ATP8B1: variants seen among roughly 807,000 people sequenced by gnomAD.
The protein encoded by ATP8B1 is phospholipid-transporting ATPase IC.
Under a neutral mutation model 149.9 loss-of-function variants are expected in ATP8B1, and 80 were observed. That is an observed-to-expected ratio of 0.53 (90% CI 0.45 to 0.64). ATP8B1 has a LOEUF of 0.64. ATP8B1 is among the 30% of genes least tolerant of loss of function. The probability of loss-of-function intolerance (pLI) is 0.00; values close to 1 mark genes in which losing one functional copy is unlikely to be tolerated. For synonymous variants in ATP8B1, 536 were observed against 562.8 expected (o/e 0.95, Z 0.67); for missense variants, 1,247 against 1,552.6 (o/e 0.80, Z 3.31).
chr18:57,703,987 A>G (rs1913260466), intron 4 of ATP8B1, among the ~76,000 whole-genome samples: 1 of 152,070 alleles, frequency 6.6e-6, no homozygotes, highest in Admixed American at 6.6e-5. Flanking sequence ...TTTTTTTAAG[A>G]TGGAGTTTAG....
chr18:57,685,399 C>T (rs1369415557), intron 13 of ATP8B1, among the ~76,000 whole-genome samples: 2 of 152,116 alleles, frequency 1.3e-5, no homozygotes, highest in Admixed American at 6.6e-5. Context: ...ATGTGAGCCA[C>T]GTCCTCAGCC....
intron 1 of ATP8B1, among the ~76,000 whole-genome samples, chr18:57,785,985 G>A (rs1007539917): frequency 6.6e-6 from 1 of 152,162 alleles, no homozygotes; most frequent in Non-Finnish European, 1.5e-5. Flanking sequence ...TTATTGGTTC[G>A]ATGTTGTTCA....
chr18:57,756,305 A>ATG lies in ATP8B1; in HGVS notation c.-25-24474_-25-24473insCA, dbSNP rs1555653788. On this transcript the variant is annotated intron_variant, in intron 1 of 27. Transcript: ENST00000648908. Reference sequence around the variant, plus strand: ...CATATATATGTGTGTGTGTATGTATATATATATATATTTGAGACTGAGTTT... The same window carrying ATG: ...CATATATATGTGTGTGTGTATGTATATGTATATATATATTTGAGACTGAGTTT... 1.6e-4 allele frequency among the ~76,000 whole-genome samples: 17 copies of ATG among 106,124 alleles called. 2 individuals are homozygous for ATG. The highest frequency in any genetic ancestry group is 5.6e-4 in the South Asian group (2 of 3,552). The allele number at this position is 106,124 out of a possible 152,430, so 69.6% of individuals were successfully genotyped here.
At chr18:57,671,366 G>T in intron 17 of ATP8B1, 102 bp downstream of exon 17, 1 of 1,028,890 alleles carries the variant, frequency 9.7e-7, no homozygotes, top group South Asian at 1.3e-5. Flanking sequence ...GCAAAGCAAA[G>T]GGAGGGTCAG....
intron 1 of ATP8B1, among the ~76,000 whole-genome samples, chr18:57,775,333 A>G (rs2080297517): frequency 6.6e-6 from 1 of 151,764 alleles, no homozygotes; most frequent in Non-Finnish European, 1.5e-5. Flanking sequence ...GAAAAGAGAA[A>G]GAGAAGGAAG....
chr18:57,661,507 C>T (rs373730087), intron 21 of ATP8B1, 45 bp from the exon 22 acceptor site: 9 of 1,588,570 alleles, frequency 5.7e-6, no homozygotes, highest in Non-Finnish European at 6.9e-6. Flanking sequence ...TTTAGTTTTA[C>T]CCCAGGAGTA....
chr18:57,681,400 T>A (rs536204625), intron 15 of ATP8B1, among the ~76,000 whole-genome samples: 1 of 152,264 alleles, frequency 6.6e-6, no homozygotes, highest in African/African-American at 2.4e-5. Context: ...TGCTGAGCGG[T>A]GAACCCAGTC....
chr18:57,776,934 C>T (rs984115250), intron 1 of ATP8B1, among the ~76,000 whole-genome samples: 2 of 151,702 alleles, frequency 1.3e-5, no homozygotes, highest in Non-Finnish European at 2.9e-5. Flanking sequence ...TACTCCAGGC[C>T]GATCGTTATG....
chr18:57,695,402 A>G (rs1036965683), intron 9 of ATP8B1, 48 bp downstream of exon 9: 2 of 1,592,160 alleles, frequency 1.3e-6, no homozygotes, highest in African/African-American at 2.7e-5. Context: ...TAGGAATTGA[A>G]CCAAGCAACT....
chr18:57,775,726 C>T (rs1599225863), intron 1 of ATP8B1, among the ~76,000 whole-genome samples: 1 of 151,390 alleles, frequency 6.6e-6, no homozygotes, highest in African/African-American at 2.4e-5. Flanking sequence ...CTCACTGCAA[C>T]CTCCACCTCC....
chr18:57,659,654 T>G, intron 22 of ATP8B1: 1 of 27,496 alleles, frequency 3.6e-5, no homozygotes. Flanking sequence ...GGCAAGCACA[T>G]GCAAAAAAAA....
At chr18:57,726,194 C>T (rs2079705555) in intron 2 of ATP8B1, among the ~76,000 whole-genome samples, 1 of 152,096 alleles carries the variant, frequency 6.6e-6, no homozygotes, top group South Asian at 2.1e-4. Flanking sequence ...TGCCACTGCA[C>T]TTCAGCCTGG....
intron 2 of ATP8B1, chr18:57,731,392 C>T: frequency 7.2e-6 from 3 of 415,412 alleles, no homozygotes; most frequent in South Asian, 2.2e-5. Flanking sequence ...CTAACAAAGA[C>T]CTTAATGTAT....
At chr18:57,679,351 A>G (rs1192341109) in intron 15 of ATP8B1, among the ~76,000 whole-genome samples, 1 of 152,176 alleles carries the variant, frequency 6.6e-6, no homozygotes, top group African/African-American at 2.4e-5. Context: ...CATGTAACAA[A>G]CATGCACATG....
chr18:57,716,893 A>G (rs2079587911), intron 2 of ATP8B1, among the ~76,000 whole-genome samples: 1 of 152,252 alleles, frequency 6.6e-6, no homozygotes, highest in East Asian at 1.9e-4. Context: ...CAGCACGTGG[A>G]TCATTCTCAA....
At chr18:57,657,759 T>C (rs1910102050) in intron 22 of ATP8B1, among the ~76,000 whole-genome samples, 1 of 152,224 alleles carries the variant, frequency 6.6e-6, no homozygotes, top group Non-Finnish European at 1.5e-5. Context: ...TCTTGGCTTA[T>C]GTGGCTGAGG....
At chr18:57,681,634 C>A (rs1283309101) in intron 15 of ATP8B1, among the ~76,000 whole-genome samples, 2 of 152,030 alleles carry the variant, frequency 1.3e-5, no homozygotes, top group Non-Finnish European at 2.9e-5. Context: ...AGCCCCATCT[C>A]TACTAAAAAT....
At chr18:57,682,097 C>T (rs1912009788) in intron 15 of ATP8B1, among the ~76,000 whole-genome samples, 1 of 151,654 alleles carries the variant, frequency 6.6e-6, no homozygotes, top group Non-Finnish European at 1.5e-5. Flanking sequence ...CTCTGCCTGC[C>T]AGGTTCAAGC....
At chr18:57,714,504 CCAT>C (rs2123031963) in intron 2 of ATP8B1, among the ~76,000 whole-genome samples, 1 of 149,692 alleles carries the variant, frequency 6.7e-6, no homozygotes, top group African/African-American at 2.4e-5. Context: ...GTGGTGATGG[CCAT>C]ATTGGTGCTT....
Sources: allele counts gnomAD v4.1 joint callset (sites outside exome capture counted in the v4.1 genomes callset), GRCh38; gene constraint gnomAD v4.1.1; transcripts MANE v1.5; gene names NCBI Gene and HGNC (gene_info 2026-07-23, HGNC 2026-07-21).